The following KCTD8 variants were observed in gnomAD, a reference collection of about 807,000 sequenced individuals.
The protein encoded by KCTD8 is potassium channel tetramerization domain containing 8.
In KCTD8, 27 loss-of-function variants were observed where a neutral mutation model predicts 31.5. The observed-to-expected ratio is 0.86, with a 90% CI of 0.63 to 1.18. The LOEUF (loss-of-function observed/expected upper bound fraction) is 1.18. KCTD8 is among the 50% of genes most tolerant of loss of function. KCTD8 has a pLI of 0.00. For synonymous variants in KCTD8, 290 were observed against 280.0 expected, an observed-to-expected ratio of 1.04 and a Z score of -0.36; for missense variants, 658 against 647.7, an observed-to-expected ratio of 1.02 and a Z score of -0.17.
chr4:44,330,964 G>A (rs1718577762), intron 1 of KCTD8, among the ~76,000 whole-genome samples: 1 of 151,632 alleles, frequency 6.6e-6, no homozygotes, highest in Non-Finnish European at 1.5e-5. Context: ...CCTCTTCCTT[G>A]ATCCTAATCA....
At chr4:44,183,623 G>A (rs573640311) in intron 1 of KCTD8, among the ~76,000 whole-genome samples, 1 of 152,112 alleles carries the variant, frequency 6.6e-6, no homozygotes, top group South Asian at 2.1e-4. Context: ...CAATATTTTT[G>A]TCTTTAAAAA....
At chr4:44,395,953 AATTGTACACTTTATTTCTATT>A (rs1720494940) in intron 1 of KCTD8, among the ~76,000 whole-genome samples, 1 of 152,088 alleles carries the variant, frequency 6.6e-6, no homozygotes, top group East Asian at 1.9e-4. Context: ...CAAGTACATT[AATTGTACACTTTATTTCTATT>A]ATTGTACACT....
intron 1 of KCTD8, among the ~76,000 whole-genome samples, chr4:44,202,087 A>G (rs540892388): frequency 1.3e-5 from 2 of 152,168 alleles, no homozygotes; most frequent in Non-Finnish European, 2.9e-5. Flanking sequence ...AACCACAATG[A>G]GATACAGTCT....
chr4:44,355,663 A>C (rs1470269985), intron 1 of KCTD8, among the ~76,000 whole-genome samples: 1 of 152,174 alleles, frequency 6.6e-6, no homozygotes, highest in Non-Finnish European at 1.5e-5. Flanking sequence ...GCTAGGGTTG[A>C]CTTCTGTGTA....
chr4:44,345,470 C>G (rs561124325), intron 1 of KCTD8, among the ~76,000 whole-genome samples: 1 of 152,052 alleles, frequency 6.6e-6, no homozygotes, highest in African/African-American at 2.4e-5. Flanking sequence ...GTAAATTCAA[C>G]CTGTAGAGAT....
chr4:44,244,309 A>G (rs560385914), intron 1 of KCTD8, among the ~76,000 whole-genome samples: 17 of 152,122 alleles, frequency 1.1e-4, no homozygotes, highest in African/African-American at 3.6e-4. Flanking sequence ...TCTTCTTGTA[A>G]TTCTGGAATT....
chr4:44,421,551 T>C (rs1721211330), intron 1 of KCTD8, among the ~76,000 whole-genome samples: 1 of 152,158 alleles, frequency 6.6e-6, no homozygotes, highest in African/African-American at 2.4e-5. Context: ...GGCTTTCTCA[T>C]ATCCTCTGGT....
At chr4:44,338,724 C>A (rs940646153) in intron 1 of KCTD8, among the ~76,000 whole-genome samples, 8 of 152,080 alleles carry the variant, frequency 5.3e-5, no homozygotes, top group Admixed American at 1.3e-4. Context: ...TTAACAAGTG[C>A]ATGTTTCAAG....
At chr4:44,389,018 G>GCC (rs1720299938) in intron 1 of KCTD8, among the ~76,000 whole-genome samples, 1 of 151,708 alleles carries the variant, frequency 6.6e-6, no homozygotes, top group East Asian at 1.9e-4. Flanking sequence ...AAATAAGCCA[G>GCC]GCACAGAAAG....
chr4:44,306,513 T>C (rs1477147300), intron 1 of KCTD8, among the ~76,000 whole-genome samples: 3 of 152,010 alleles, frequency 2.0e-5, no homozygotes, highest in Non-Finnish European at 2.9e-5. Context: ...CCTTAGTTCA[T>C]GCATTACCAA....
intron 1 of KCTD8, among the ~76,000 whole-genome samples, chr4:44,435,603 A>C (rs1476343033): frequency 6.6e-6 from 1 of 152,074 alleles, no homozygotes; most frequent in Non-Finnish European, 1.5e-5. Context: ...ATACACATTA[A>C]TACGTAAAGA....
Position 44,447,769 on chromosome 4 carries a change from A to G in KCTD8, c.755T>C (p.Leu252Pro). The change falls in exon 1 of 2, where the codon CTC (leucine) becomes CCC (proline). Residue 252 changes from leucine (L) to proline (P), a missense_variant. Coordinates refer to ENST00000360029, the MANE Select transcript of KCTD8 (RefSeq NM_198353.3). Reference sequence around the variant, plus strand: ...CCGGTCGGGGTCGCGGCTCTCGTTGAGCGTGTCCCCGAAGACCTCCTTGGC... The same window carrying G: ...CCGGTCGGGGTCGCGGCTCTCGTTGGGCGTGTCCCCGAAGACCTCCTTGGC... ...ALAKEVFGDTLNESRDPDRQP... is the reference protein window; with the variant it reads ...ALAKEVFGDTPNESRDPDRQP... 1 of 1,611,600 alleles carries G rather than the reference A, an allele frequency of 6.2e-7. No homozygotes were observed. Among genetic ancestry groups the G allele is most frequent in the Non-Finnish European group, 8.5e-7 (1 of 1,178,914 alleles).
intron 1 of KCTD8, among the ~76,000 whole-genome samples, chr4:44,311,375 T>C (rs1000037141): frequency 6.6e-6 from 1 of 152,112 alleles, no homozygotes; most frequent in African/African-American, 2.4e-5. Context: ...CAAATGTAGA[T>C]AATTTTCCTG....
chr4:44,430,939 T>C (rs1022601100), intron 1 of KCTD8, among the ~76,000 whole-genome samples: 1 of 151,488 alleles, frequency 6.6e-6, no homozygotes, highest in Non-Finnish European at 1.5e-5. Context: ...TGTCATCCAT[T>C]GCAGACTCTA....
chr4:44,187,719 G>C (rs901832795), intron 1 of KCTD8, among the ~76,000 whole-genome samples: 1 of 152,160 alleles, frequency 6.6e-6, no homozygotes, highest in Non-Finnish European at 1.5e-5. Flanking sequence ...GCTTGGCAAG[G>C]ATTAATGAGA....
At chr4:44,320,415 T>C (rs2109405585) in intron 1 of KCTD8, among the ~76,000 whole-genome samples, 2 of 152,260 alleles carry the variant, frequency 1.3e-5, no homozygotes, top group South Asian at 4.1e-4. Context: ...TGGAATTTTC[T>C]TCAATTAAAA....
rs1483732166 is a variant in KCTD8 at position 44,269,294 on chromosome 4, A to G, written c.962-94044T>C. Among the ~76,000 whole-genome samples, 3 of 152,194 alleles carry G rather than the reference A, an allele frequency of 2.0e-5. No individual in the cohort carries two copies. In the East Asian group the frequency reaches 5.8e-4, roughly 29 times the overall value. ...GAGAAAAACAAGCAATGGGGAAAGGATTTCCTATTTAATAAATGGTGCTGG... is the reference window on the plus strand; with the variant it reads ...GAGAAAAACAAGCAATGGGGAAAGGGTTTCCTATTTAATAAATGGTGCTGG... On this transcript the variant is annotated intron_variant, in intron 1 of 1. Transcript: ENST00000360029.
At chr4:44,321,491 G>A (rs1456547975) in intron 1 of KCTD8, among the ~76,000 whole-genome samples, 1 of 151,996 alleles carries the variant, frequency 6.6e-6, no homozygotes, top group Non-Finnish European at 1.5e-5. Context: ...TATCATAATA[G>A]CTGTACTTAT....
chr4:44,274,559 C>G (rs1716698830), intron 1 of KCTD8, among the ~76,000 whole-genome samples: 1 of 151,894 alleles, frequency 6.6e-6, no homozygotes, highest in Non-Finnish European at 1.5e-5. Context: ...GATTTTCACA[C>G]TATTTCTACT....
Sources: gnomAD v4.1 joint callset for allele counts (sites outside exome capture counted in the v4.1 genomes callset) on GRCh38, gnomAD v4.1.1 for gene constraint, MANE v1.5 for transcripts, NCBI Gene and HGNC (gene_info 2026-07-23, HGNC 2026-07-21) for gene names.